Variants in TTC1 observed in about 807,000 individuals in gnomAD.
TTC1 encodes the protein tetratricopeptide repeat protein 1.
TTC1 carries 31 observed loss-of-function variants against 37.6 expected under a neutral mutation model. The ratio of observed to expected loss-of-function variants is 0.82; its 90% CI spans 0.62 to 1.11. TTC1 has a LOEUF of 1.11. Ranked by LOEUF, TTC1 falls within the 50% of genes most tolerant of loss-of-function variation. The pLI, the probability that TTC1 is intolerant of heterozygous loss-of-function variation, is 0.00. For synonymous variants in TTC1, 127 were observed against 122.4 expected (o/e 1.04, Z -0.25); for missense variants, 351 against 339.0 (o/e 1.04, Z -0.28).
intron 2 of TTC1, among the ~76,000 whole-genome samples, chr5:160,033,180 A>C (rs576180876): frequency 6.6e-6 from 1 of 152,250 alleles, no homozygotes; most frequent in South Asian, 2.1e-4. Context: ...GATCATTACA[A>C]TCTAAGCATC....
At chr5:160,045,513 CAT>C (rs1554096612) in intron 5 of TTC1, among the ~76,000 whole-genome samples, 2,249 of 50,154 alleles carry the variant, frequency 0.045, 36 homozygotes, top group Non-Finnish European at 0.054. Flanking sequence ...CACACACACA[CAT>C]ACACACTCTC....
intron 2 of TTC1, chr5:160,024,165 T>C (rs1413606440): frequency 1.2e-5 from 7 of 569,378 alleles, no homozygotes; most frequent in South Asian, 2.6e-5. Flanking sequence ...TGAAAAACTC[T>C]CATTACTGAG....
At chr5:160,055,457 C>T (rs900301021) in intron 7 of TTC1, among the ~76,000 whole-genome samples, 4 of 152,194 alleles carry the variant, frequency 2.6e-5, no homozygotes, top group Non-Finnish European at 4.4e-5. Flanking sequence ...TTAATATAAG[C>T]TCTCTCATCA....
intron 2 of TTC1, among the ~76,000 whole-genome samples, chr5:160,020,581 A>G (rs1756687766): frequency 6.6e-6 from 1 of 152,248 alleles, no homozygotes; most frequent in Non-Finnish European, 1.5e-5. Flanking sequence ...ATTTACAGCC[A>G]CTTCCCATCG....
chr5:160,040,806 T>A lies in TTC1; in HGVS notation c.505-2327T>A, dbSNP rs62377707. Among the ~76,000 whole-genome samples, 867 of 151,800 alleles carry A rather than the reference T, an allele frequency of 5.7e-3. 5 individuals are homozygous for A. The highest frequency in any genetic ancestry group is 8.4e-3 in the Non-Finnish European group (570 of 67,944). On this transcript the variant is annotated intron_variant, in intron 4 of 7. Coordinates refer to ENST00000231238, the MANE Select transcript of TTC1 (RefSeq NM_003314.3). ...TTTTTTAATTTTTTTAGAAATGGGG[T>A]CTTGTGTTTCACAGATTAGTCTTGA...
rs1259579701 is a variant in TTC1 at position 160,010,506 on chromosome 5, C to T, written c.-23C>T. ...TTGTTTTGTTTTCCCCCAGCTTTAG[C>T]GTCACCTCCCTCACTGGGCAGCATG... On this transcript the variant is annotated 5_prime_UTR_variant, in exon 2 of 8. Transcript: ENST00000231238. The T allele has an allele frequency of 3.1e-6, 5 of 1,594,704 alleles. No homozygotes were observed. The highest frequency in any genetic ancestry group is 3.4e-5 in the Admixed American group (2 of 58,184).
intron 4 of TTC1, among the ~76,000 whole-genome samples, chr5:160,040,070 C>T (rs569029495): frequency 6.6e-6 from 1 of 152,158 alleles, no homozygotes; most frequent in Non-Finnish European, 1.5e-5. Flanking sequence ...CTACTACACA[C>T]CTAAGCTATA....
chr5:160,015,407 A>G (rs758401871), intron 2 of TTC1, among the ~76,000 whole-genome samples: 6 of 151,938 alleles, frequency 3.9e-5, no homozygotes, highest in South Asian at 2.1e-4. Context: ...AAGTCTTACT[A>G]TGTTGCCCAG....
chr5:160,010,309 G>A (rs1188603877), intron 1 of TTC1, among the ~76,000 whole-genome samples, 191 bp from the exon 2 acceptor site: 1 of 150,640 alleles, frequency 6.6e-6, no homozygotes, highest in Non-Finnish European at 1.5e-5. Flanking sequence ...ACCAGAAAAG[G>A]GGTCTCAGTT....
intron 7 of TTC1, among the ~76,000 whole-genome samples, chr5:160,059,228 C>T (rs145434296): frequency 1.3e-4 from 20 of 152,338 alleles, no homozygotes; most frequent in African/African-American, 4.6e-4. Context: ...TTAGTGTAGC[C>T]ACCTTCATCA....
intron 2 of TTC1, among the ~76,000 whole-genome samples, chr5:160,016,669 C>T (rs966966120): frequency 6.6e-6 from 1 of 151,412 alleles, no homozygotes; most frequent in African/African-American, 2.4e-5. Context: ...TTACATTATT[C>T]CATTTTAAGA....
At chr5:160,060,037 T>C (rs1026655580) in intron 7 of TTC1, among the ~76,000 whole-genome samples, 1 of 152,218 alleles carries the variant, frequency 6.6e-6, no homozygotes, top group Non-Finnish European at 1.5e-5. Context: ...TTATCCTTTC[T>C]ATGCTGGGCT....
At chr5:160,045,527 C>CTG (rs1483172088) in intron 5 of TTC1, among the ~76,000 whole-genome samples, 1 of 136,402 alleles carries the variant, frequency 7.3e-6, no homozygotes, top group Non-Finnish European at 1.5e-5. Flanking sequence ...CACACTCTCT[C>CTG]TCTCTCTCTC....
chr5:160,049,336 C>T (rs1757340624), intron 5 of TTC1, among the ~76,000 whole-genome samples, 178 bp from the exon 6 acceptor site: 1 of 152,140 alleles, frequency 6.6e-6, no homozygotes, highest in African/African-American at 2.4e-5. Flanking sequence ...ACCCACAAAG[C>T]CTACAATCTT....
At position 160,010,619 on chromosome 5, in the gene TTC1, C is replaced by G. The variant is rs1033421764; in HGVS notation, c.91C>G (p.Pro31Ala). Reference sequence around the variant, plus strand: ...TACTCAGGAAGCCGAGTGTGCTGGCCCTCCAGTTCCTGATCCCAAAAATCA... The same window carrying G: ...TACTCAGGAAGCCGAGTGTGCTGGCGCTCCAGTTCCTGATCCCAAAAATCA... ...TDTQEAECAG[P>A]PVPDPKNQHS... The change falls in exon 2 of 8, where the codon CCT becomes GCT. Residue 31 changes from proline (P) to alanine (A), a missense_variant. Physicochemically the swap from Pro to Ala is conservative, Grantham distance 27. Coordinates refer to ENST00000231238, the MANE Select transcript of TTC1 (RefSeq NM_003314.3). 6.2e-7 allele frequency: 1 copy of G among 1,614,016 alleles called. No individual in the cohort carries two copies. Among genetic ancestry groups the G allele is most frequent in the East Asian group, 2.2e-5 (1 of 44,874 alleles).
At chr5:160,030,842 G>A (rs941227612) in intron 2 of TTC1, among the ~76,000 whole-genome samples, 3 of 152,152 alleles carry the variant, frequency 2.0e-5, no homozygotes, top group Non-Finnish European at 4.4e-5. Context: ...AGGCATTGTG[G>A]AGGTATGTAA....
At chr5:160,026,487 T>C (rs1475573973) in intron 2 of TTC1, among the ~76,000 whole-genome samples, 5 of 152,238 alleles carry the variant, frequency 3.3e-5, no homozygotes, top group African/African-American at 9.6e-5. Context: ...GGTTCTGCTG[T>C]TAGATACGAA....
At chr5:160,062,475 G>A (rs1338426537) in intron 7 of TTC1, among the ~76,000 whole-genome samples, 1 of 152,110 alleles carries the variant, frequency 6.6e-6, no homozygotes, top group African/African-American at 2.4e-5. Flanking sequence ...CCGTCTTTTG[G>A]GTCTGCCTCC....
In TTC1 at chr5:160,057,101, G is replaced by A. The variant is rs577250395; in HGVS notation, c.745+5918G>A. Among the ~76,000 whole-genome samples the A allele has an allele frequency of 6.6e-6, 1 of 152,264 alleles. No homozygotes were observed. Among genetic ancestry groups the A allele is most frequent in the South Asian group, 2.1e-4 (1 of 4,832 alleles). The stretch of plus-strand genomic sequence containing the variant: ...AGAAACCAATTCCTTGTTGTGGTTG[G>A]TTGTTCCCTCAGTAGAGAATATCAG... On this transcript the variant is annotated intron_variant, in intron 7 of 7. Transcript: ENST00000231238. The surrounding 1 kb of genome is among the most constrained non-coding windows in gnomAD (Gnocchi z 4.4).
Sources: allele counts gnomAD v4.1 joint callset (sites outside exome capture counted in the v4.1 genomes callset), GRCh38; gene constraint gnomAD v4.1.1; non-coding constraint Gnocchi (gnomAD v3.1); transcripts MANE v1.5; gene names NCBI Gene and HGNC (gene_info 2026-07-23, HGNC 2026-07-21).